Variants in INSYN2A observed in about 807,000 individuals in gnomAD.
INSYN2A encodes the protein family with sequence similarity 196 member A.
In INSYN2A, 17 loss-of-function variants were observed where a neutral mutation model predicts 39.4. The observed-to-expected ratio is 0.43, with a 90% CI of 0.30 to 0.65. The LOEUF (loss-of-function observed/expected upper bound fraction) is 0.65, where lower values mean the gene tolerates loss of function less well. INSYN2A is among the 30% of genes least tolerant of loss of function. The pLI is 0.14. For missense variants in INSYN2A, 595 were observed against 631.2 expected (o/e 0.94, Z 0.61); for synonymous variants, 255 against 265.7 (o/e 0.96, Z 0.39).
Position 127,196,528 on chromosome 10 carries a change from G to T in INSYN2A, c.-926C>A, listed in dbSNP as rs892854472. On this transcript the variant is annotated 5_prime_UTR_variant, in exon 1 of 6. Transcript: ENST00000522781. ...CGCGGAGCCGGGCGGCCAGAGGCGA[G>T]GGCGCCCCAAGCCGCGCGCCTGCCG... Among the ~76,000 whole-genome samples, 1 of 147,882 alleles carries T rather than the reference G, an allele frequency of 6.8e-6. No homozygotes were observed. The highest frequency in any genetic ancestry group is 1.5e-5 in the Non-Finnish European group (1 of 66,594).
chr10:127,186,850 GACAA>G (rs1019552199), intron 2 of INSYN2A, among the ~76,000 whole-genome samples: 2 of 151,912 alleles, frequency 1.3e-5, no homozygotes, highest in African/African-American at 2.4e-5. Context: ...GAAATGCACA[GACAA>G]ACAGACACAT....
intron 2 of INSYN2A, among the ~76,000 whole-genome samples, chr10:127,180,455 C>T (rs916583113): frequency 2.6e-5 from 4 of 152,112 alleles, no homozygotes; most frequent in Admixed American, 2.6e-4. Context: ...ACTGTGCTGT[C>T]TTGAGGTGAA....
intron 2 of INSYN2A, among the ~76,000 whole-genome samples, chr10:127,180,045 A>T (rs1329132633): frequency 2.6e-5 from 4 of 152,172 alleles, no homozygotes; most frequent in Admixed American, 2.6e-4. Flanking sequence ...ACCCATTGAA[A>T]CAGCTGAATC....
chr10:127,153,203 G>A (rs1371020878), intron 5 of INSYN2A, among the ~76,000 whole-genome samples: 2 of 152,184 alleles, frequency 1.3e-5, no homozygotes, highest in Non-Finnish European at 2.9e-5. Context: ...AAAGAAAAAA[G>A]GATAGCCATC....
intron 1 of INSYN2A, among the ~76,000 whole-genome samples, chr10:127,194,164 G>C (rs931915539): frequency 6.6e-6 from 1 of 152,216 alleles, no homozygotes; most frequent in African/African-American, 2.4e-5. Context: ...TGAATTTAGT[G>C]AAGAAAACAA....
At chr10:127,152,340 A>T (rs1045738161) in intron 5 of INSYN2A, among the ~76,000 whole-genome samples, 1 of 152,202 alleles carries the variant, frequency 6.6e-6, no homozygotes, top group East Asian at 1.9e-4. Flanking sequence ...ATCTGTTGCT[A>T]TCATTGAGTT....
At chr10:127,157,855 A>C (rs1249721092) in intron 4 of INSYN2A, among the ~76,000 whole-genome samples, 2 of 152,236 alleles carry the variant, frequency 1.3e-5, no homozygotes, top group Admixed American at 6.5e-5. Flanking sequence ...CAGGAGATTA[A>C]TTTGTGAATA....
At chr10:127,162,691 G>A (rs2053690599) in intron 4 of INSYN2A, among the ~76,000 whole-genome samples, 1 of 152,150 alleles carries the variant, frequency 6.6e-6, no homozygotes, top group African/African-American at 2.4e-5. Flanking sequence ...AACAAGCCTA[G>A]TTATTTCTAC....
chr10:127,138,027 AAGAG>A lies in INSYN2A; in HGVS notation c.1257-11_1257-8del. On this transcript the variant is annotated splice_polypyrimidine_tract_variant and splice_region_variant and intron_variant, in intron 5 of 5. Coordinates refer to ENST00000522781, the MANE Select transcript of INSYN2A (RefSeq NM_001039762.3). ...CTTAAAATCCAGCTCCACACTAGAA[AAGAG>A]AGAGAGTGAAGACTTTAGCATTTGA... 1.2e-6 allele frequency: 2 copies of A among 1,601,066 alleles called. No homozygotes were observed. Among genetic ancestry groups the A allele is most frequent in the South Asian group, 1.1e-5 (1 of 88,300 alleles).
At chr10:127,155,945 G>A (rs1476959501) in intron 4 of INSYN2A, among the ~76,000 whole-genome samples, 1 of 152,186 alleles carries the variant, frequency 6.6e-6, no homozygotes, top group Non-Finnish European at 1.5e-5. Context: ...CTACTATTGT[G>A]TTGTGCTAGT....
chr10:127,145,146 C>T (rs1008257575), intron 5 of INSYN2A, among the ~76,000 whole-genome samples: 36 of 152,118 alleles, frequency 2.4e-4, no homozygotes, highest in African/African-American at 7.7e-4. Context: ...GCACCTGCGG[C>T]TCTGGGTCCT....
intron 5 of INSYN2A, among the ~76,000 whole-genome samples, chr10:127,147,442 TG>T (rs1457189923): frequency 6.6e-6 from 1 of 152,188 alleles, no homozygotes; most frequent in Admixed American, 6.5e-5. Context: ...TCGGGCACCC[TG>T]GCTTCCTTCA....
Position 127,176,243 on chromosome 10 carries a change from A to G in INSYN2A, c.153T>C (p.Asp51=), listed in dbSNP as rs2055131813. 1.9e-6 allele frequency: 3 copies of G among 1,614,030 alleles called. No individual in the cohort carries two copies. Among genetic ancestry groups the G allele is most frequent in the Non-Finnish European group, 2.5e-6 (3 of 1,180,016 alleles). The change falls in exon 4 of 6, where the codon GAT becomes GAC. Residue 51 remains aspartate (D), a synonymous_variant. Transcript: ENST00000522781. The surrounding 1 kb of genome is among the most constrained non-coding windows in gnomAD (Gnocchi z 4.4). ...TCTGCTCATTCTGTGCCTCGCAGATATCCTTAAACCGCACCTGCAGGGCTT... is the reference window on the plus strand; with the variant it reads ...TCTGCTCATTCTGTGCCTCGCAGATGTCCTTAAACCGCACCTGCAGGGCTT... ...RNKALQVRFK[D]ICEAQNEQRD... is the part of the protein sequence containing the mutation.
At chr10:127,145,939 AG>A (rs142252018) in intron 5 of INSYN2A, 22,927 of 507,042 alleles carry the variant, frequency 0.045, 2,734 homozygotes, top group African/African-American at 0.31. Context: ...CTTCTCAAAC[AG>A]GTTCTTTCAA....
chr10:127,188,675 T>C (rs1251144497), intron 2 of INSYN2A, among the ~76,000 whole-genome samples: 3 of 152,162 alleles, frequency 2.0e-5, no homozygotes, highest in African/African-American at 7.2e-5. Context: ...GTTCTGGCCC[T>C]TCCCCTCCAC....
chr10:127,176,483 CG>C lies in INSYN2A; in HGVS notation c.-5-84del. ...CGGCCGCACAAACTTTTAGCCACCA[CG>C]ACGACTGCCTGTTTCCTAATTATAT... On this transcript the variant is annotated intron_variant, in intron 3 of 5. Transcript: ENST00000522781. This position sits in a 1 kb window ranked among gnomAD's most constrained non-coding sequence, Gnocchi z 4.4. 9.1e-7 allele frequency: 1 copy of C among 1,102,474 alleles called. No individual in the cohort carries two copies. Among genetic ancestry groups the C allele is most frequent in the Non-Finnish European group, 1.3e-6 (1 of 770,598 alleles). 68.3% of individuals were successfully genotyped at this position (1,102,474 alleles called of 1,614,324 possible). A position where few individuals can be genotyped will look rare whatever the true frequency, so the allele number is the denominator to read the frequency against.
rs1351027471 is a variant in INSYN2A at position 127,136,947 on chromosome 10, GC to G, written c.*889del. ...AACACTGTCTGCCATGGCACAGAATGCCTGTGATTTATTGGTGGGTGGATTA... is the reference window on the plus strand; with the variant it reads ...AACACTGTCTGCCATGGCACAGAATGCTGTGATTTATTGGTGGGTGGATTA... On this transcript the variant is annotated 3_prime_UTR_variant, in exon 6 of 6. Coordinates refer to ENST00000522781, the MANE Select transcript of INSYN2A (RefSeq NM_001039762.3). 10 of 152,614 alleles carry G rather than the reference GC, an allele frequency of 6.6e-5. No individual in the cohort carries two copies. Among genetic ancestry groups the G allele is most frequent in the Admixed American group, 6.5e-4 (10 of 15,282 alleles). The allele number at this position is 152,614 out of a possible 1,614,324, so 9.5% of individuals were successfully genotyped here. A position where few individuals can be genotyped will look rare whatever the true frequency, so the allele number is the denominator to read the frequency against.
At position 127,175,454 on chromosome 10, in the gene INSYN2A, C is replaced by T; in HGVS notation, c.942G>A (p.Leu314=). ...ALACSPPMQC[L]SPECSEQPSQ... is the part of the protein sequence containing the mutation. Reference sequence around the variant, plus strand: ...ACGGCTGCTCACTACATTCGGGGGACAGGCACTGCATCGGGGGTGAGCAGG... The same window carrying T: ...ACGGCTGCTCACTACATTCGGGGGATAGGCACTGCATCGGGGGTGAGCAGG... The change falls in exon 4 of 6, where the codon CTG becomes CTA. Residue 314 remains leucine, a synonymous_variant. Coordinates refer to ENST00000522781, the MANE Select transcript of INSYN2A (RefSeq NM_001039762.3). This position sits in a 1 kb window ranked among gnomAD's most constrained non-coding sequence, Gnocchi z 6.3. 6.2e-7 allele frequency: 1 copy of T among 1,611,336 alleles called. No individual in the cohort carries two copies. The highest frequency in any genetic ancestry group is 8.5e-7 in the Non-Finnish European group (1 of 1,180,010).
chr10:127,189,922 G>A (rs989879022), intron 2 of INSYN2A, among the ~76,000 whole-genome samples: 3 of 152,162 alleles, frequency 2.0e-5, no homozygotes, highest in South Asian at 4.1e-4. Flanking sequence ...AAGTCACGAC[G>A]TCAAATTGAG....
Sources: allele counts gnomAD v4.1 joint callset (sites outside exome capture counted in the v4.1 genomes callset), GRCh38; gene constraint gnomAD v4.1.1; non-coding constraint Gnocchi (gnomAD v3.1); transcripts MANE v1.5; gene names NCBI Gene and HGNC (gene_info 2026-07-23, HGNC 2026-07-21).